NCOR2: variants seen among roughly 807,000 people sequenced by gnomAD.
NCOR2 encodes nuclear receptor corepressor 2, also known as CTG repeat protein 26.
Under a neutral mutation model 262.9 loss-of-function variants are expected in NCOR2, and 81 were observed. That is an observed-to-expected ratio of 0.31 (90% CI 0.26 to 0.37). The LOEUF (loss-of-function observed/expected upper bound fraction) is 0.37, where lower values mean the gene tolerates loss of function less well. Ranked by LOEUF, NCOR2 falls within the 10% of genes least tolerant of loss-of-function variation. The pLI is 1.00. For missense variants in NCOR2, 3,385 were observed against 3,621.4 expected (o/e 0.93, Z 1.68); for synonymous variants, 1,659 against 1,559.3 (o/e 1.06, Z -1.51).
chr12:124,439,512 G>A (rs1325705720), intron 7 of NCOR2, among the ~76,000 whole-genome samples: 1 of 150,802 alleles, frequency 6.6e-6, no homozygotes, highest in Non-Finnish European at 1.5e-5. Context: ...GAGACCCAGA[G>A]AGAGAGAGAC....
intron 1 of NCOR2, among the ~76,000 whole-genome samples, chr12:124,494,227 A>ACACACACACG (rs1555231467): frequency 1.3e-5 from 2 of 151,866 alleles, no homozygotes; most frequent in African/African-American, 2.4e-5. Context: ...ACAGACACAC[A>ACACACACACG]CACACACGCA....
intron 8 of NCOR2, among the ~76,000 whole-genome samples, chr12:124,435,253 G>T (rs958014939): frequency 6.6e-6 from 1 of 152,180 alleles, no homozygotes; most frequent in Non-Finnish European, 1.5e-5. Context: ...CCAGATTACC[G>T]GTCTGTTTCC....
chr12:124,544,397 C>T (rs571141986), intron 1 of NCOR2, among the ~76,000 whole-genome samples: 7 of 152,346 alleles, frequency 4.6e-5, no homozygotes, highest in African/African-American at 1.7e-4. Context: ...GCCTCTGCCC[C>T]GGGCTGCCCG....
chr12:124,527,356 T>G (rs1171721412), intron 1 of NCOR2, among the ~76,000 whole-genome samples: 1 of 152,218 alleles, frequency 6.6e-6, no homozygotes, highest in Admixed American at 6.5e-5. Flanking sequence ...TTTCCTCATA[T>G]GTAAAGAGGG....
intron 24 of NCOR2, 47 bp from the exon 27 acceptor site, chr12:124,354,986 C>A: frequency 6.5e-7 from 1 of 1,542,160 alleles, no homozygotes; most frequent in Non-Finnish European, 8.9e-7. Flanking sequence ...TGGTCCCTCC[C>A]CCACAGTCCA....
intron 10 of NCOR2, among the ~76,000 whole-genome samples, chr12:124,428,041 G>A (rs1391010644): frequency 2.7e-5 from 4 of 146,850 alleles, no homozygotes; most frequent in African/African-American, 7.8e-5. Flanking sequence ...TTCCCATGTG[G>A]CCAGTGTGTG....
At chr12:124,374,426 T>C (rs2039822760) in exon 19 of NCOR2, 2 of 1,612,986 alleles carry the variant, frequency 1.2e-6, no homozygotes, top group Non-Finnish European at 1.7e-6. Flanking sequence ...GGCCACTGCA[T>C]TCCCCTCTGG....
At chr12:124,345,703 T>C (rs1455631322) in intron 31 of NCOR2, among the ~76,000 whole-genome samples, 2 of 152,214 alleles carry the variant, frequency 1.3e-5, no homozygotes, top group African/African-American at 4.8e-5. Context: ...ACTCCATAAT[T>C]GCCTAGGGGC....
At chr12:124,358,390 G>A (rs1223822666) in intron 22 of NCOR2, among the ~76,000 whole-genome samples, 3 of 151,070 alleles carry the variant, frequency 2.0e-5, no homozygotes, top group Admixed American at 1.3e-4. Context: ...GCACGTGCAC[G>A]TGCATGTGTG....
At chr12:124,489,300 AC>A (rs1041400499) in intron 1 of NCOR2, among the ~76,000 whole-genome samples, 3 of 152,220 alleles carry the variant, frequency 2.0e-5, no homozygotes, top group African/African-American at 7.2e-5. Context: ...GCCTTTGTGT[AC>A]CTGCAGCTAA....
At chr12:124,562,497 C>A (rs2052104525) in intron 1 of NCOR2, among the ~76,000 whole-genome samples, 2 of 152,216 alleles carry the variant, frequency 1.3e-5, no homozygotes, top group Admixed American at 1.3e-4. Flanking sequence ...GCTCAGCCCT[C>A]CCCCAGGGGG....
Position 124,334,415 on chromosome 12 carries a change from C to T in NCOR2, c.6605+9G>A, listed in dbSNP as rs763110360. 3.8e-5 allele frequency: 58 copies of T among 1,522,806 alleles called. No homozygotes were observed. Among genetic ancestry groups the T allele is most frequent in the South Asian group, 3.7e-4 (30 of 81,716 alleles). The allele number at this position is 1,522,806 out of a possible 1,614,324, so 94.3% of individuals were successfully genotyped here. ...TGACCAGCAAGAGGCACCCCCATCC[C>T]TCGCTCACCTCTTGCCCCCTTCGCT... On this transcript the variant is annotated intron_variant, in intron 41 of 46. Coordinates refer to ENST00000405201, the Ensembl canonical transcript of NCOR2.
intron 1 of NCOR2, among the ~76,000 whole-genome samples, chr12:124,547,546 A>C (rs571465421): frequency 6.6e-6 from 1 of 152,298 alleles, no homozygotes; most frequent in South Asian, 2.1e-4. Flanking sequence ...AACCACTATA[A>C]AGTAGGCAGC....
intron 21 of NCOR2, 106 bp downstream of exon 23, chr12:124,363,573 A>G (rs1231839065): frequency 2.8e-6 from 3 of 1,061,628 alleles, no homozygotes; most frequent in African/African-American, 1.6e-5. Context: ...GAAGCGGATG[A>G]GCTAGGCTGC....
At chr12:124,372,605 C>A in exon 20 of NCOR2, 1 of 1,596,972 alleles carries the variant, frequency 6.3e-7, no homozygotes, top group Non-Finnish European at 8.5e-7. Context: ...CTGTTGTTGA[C>A]AGTGGCTGTG....
exon 30 of NCOR2, chr12:124,347,825 C>T (rs1477466735): frequency 3.2e-6 from 5 of 1,562,362 alleles, no homozygotes; most frequent in South Asian, 1.2e-5. Context: ...AGGGCAGTAC[C>T]TTGTGTGATG....
intron 16 of NCOR2, among the ~76,000 whole-genome samples, chr12:124,386,957 T>C (rs976695676): frequency 6.6e-6 from 1 of 152,214 alleles, no homozygotes; most frequent in Admixed American, 6.5e-5. Flanking sequence ...GCTCCTGACC[T>C]AGGGGTCTGT....
In NCOR2 at chr12:124,346,856, G is replaced by A. The variant is rs199594773; in HGVS notation, c.4073-6C>T. 787 of 1,561,124 alleles carry A rather than the reference G, an allele frequency of 5.0e-4. 16 individuals carry two copies. The East Asian group carries it at 0.016, about 31-fold the overall frequency. On this transcript the variant is annotated splice_region_variant and splice_polypyrimidine_tract_variant and intron_variant, in intron 30 of 46. Transcript: ENST00000405201. ...CACGTAGGACCGAGGGATCCCTGCC[G>A]GGCCGACAGCACTGACCCTCACGCC...
intron 17 of NCOR2, among the ~76,000 whole-genome samples, chr12:124,382,033 C>A (rs1278787981): frequency 6.6e-6 from 1 of 152,194 alleles, no homozygotes; most frequent in Admixed American, 6.5e-5. Context: ...CTCTGCTTCC[C>A]CACTCCTTCC....
Sources: allele counts gnomAD v4.1 joint callset (sites outside exome capture counted in the v4.1 genomes callset), GRCh38; gene constraint gnomAD v4.1.1; transcripts MANE v1.5; gene names NCBI Gene and HGNC (gene_info 2026-07-23, HGNC 2026-07-21).